AK8: variants seen among roughly 807,000 people sequenced by gnomAD.
AK8 encodes ATP-AMP transphosphorylase 8.
Under a neutral mutation model 54.6 loss-of-function variants are expected in AK8, and 44 were observed. The observed-to-expected ratio is 0.81, with a 90% CI of 0.63 to 1.04. The LOEUF (loss-of-function observed/expected upper bound fraction) is 1.04. AK8 is among the 50% of genes least tolerant of loss of function. The pLI, the probability that AK8 is intolerant of heterozygous loss-of-function variation, is 0.00. For synonymous variants in AK8, 239 were observed against 245.6 expected (o/e 0.97, Z 0.25); for missense variants, 555 against 613.6 (o/e 0.90, Z 1.01).
At chr9:132,818,283 G>A (rs1353605209) in intron 9 of AK8, among the ~76,000 whole-genome samples, 12 of 152,214 alleles carry the variant, frequency 7.9e-5, no homozygotes. Flanking sequence ...GGAGTGAAGA[G>A]TACTGATAGG....
At chr9:132,787,748 G>A (rs542431641) in intron 11 of AK8, among the ~76,000 whole-genome samples, 40 of 152,206 alleles carry the variant, frequency 2.6e-4, no homozygotes, top group African/African-American at 8.2e-4. Context: ...GTTGTGTACA[G>A]GCATAAAGGG....
chr9:132,766,438 A>C (rs1235994334), intron 11 of AK8, among the ~76,000 whole-genome samples: 1 of 152,188 alleles, frequency 6.6e-6, no homozygotes. Flanking sequence ...TTAACCAAGG[A>C]AGTAAAAGGT....
intron 10 of AK8, 129 bp from the exon 11 acceptor site, chr9:132,792,904 T>G: frequency 8.6e-7 from 1 of 1,166,712 alleles, no homozygotes; most frequent in Non-Finnish European, 1.2e-6. Context: ...TTGGAACCAC[T>G]TGGACAAGGT....
chr9:132,841,359 A>C, intron 5 of AK8, among the ~76,000 whole-genome samples: 1 of 152,226 alleles, frequency 6.6e-6, no homozygotes, highest in East Asian at 1.9e-4. Context: ...ATGAATAATA[A>C]AATTCTCCGC....
At position 132,809,082 on chromosome 9, in the gene AK8, T is replaced by C. The variant is rs139694573; in HGVS notation, c.979+5556A>G. On this transcript the variant is annotated intron_variant, in intron 10 of 12. Coordinates refer to ENST00000298545, the MANE Select transcript of AK8 (RefSeq NM_152572.3). ...ACAATAATCTCACTTGCTGAGCTCC[T>C]GAACCTTACAGATGAAAACTCCTAA... Among the ~76,000 whole-genome samples, 478 of 152,326 alleles carry C rather than the reference T, an allele frequency of 3.1e-3. 4 individuals are homozygous for C. The highest frequency in any genetic ancestry group is 4.4e-3 in the Non-Finnish European group (296 of 68,026).
intron 4 of AK8, among the ~76,000 whole-genome samples, chr9:132,857,476 G>GC (rs1564442124): frequency 4.6e-5 from 7 of 152,038 alleles, no homozygotes; most frequent in Non-Finnish European, 8.8e-5. Flanking sequence ...CAAGGGAAGG[G>GC]GTGGACAGGA....
chr9:132,823,020 G>A (rs1037093562), intron 9 of AK8, among the ~76,000 whole-genome samples, 185 bp downstream of exon 9: 1 of 152,096 alleles, frequency 6.6e-6, no homozygotes, highest in Non-Finnish European at 1.5e-5. Flanking sequence ...AATATTCCTC[G>A]GGAGGAAGAA....
intron 4 of AK8, among the ~76,000 whole-genome samples, chr9:132,856,372 C>T (rs1008234738): frequency 2.0e-5 from 3 of 152,210 alleles, no homozygotes; most frequent in African/African-American, 7.2e-5. Context: ...CTGGGCAAAG[C>T]CTTGACCTCT....
rs1839458797 is a variant in AK8 at position 132,781,301 on chromosome 9, T to C, written c.1121+11333A>G. On this transcript the variant is annotated intron_variant, in intron 11 of 12. Coordinates refer to ENST00000298545, the MANE Select transcript of AK8 (RefSeq NM_152572.3). The surrounding 1 kb of genome is among the most constrained non-coding windows in gnomAD (Gnocchi z 4.6). The stretch of plus-strand genomic sequence containing the variant: ...GGTTTGTTTCCCTTACTGTATGATG[T>C]TGGAATCAAGAGATTGATACTGCTC... Among the ~76,000 whole-genome samples the C allele has an allele frequency of 6.6e-6, 1 of 152,176 alleles. No individual in the cohort carries two copies. The highest frequency in any genetic ancestry group is 1.5e-5 in the Non-Finnish European group (1 of 68,028).
intron 11 of AK8, among the ~76,000 whole-genome samples, chr9:132,755,853 C>T (rs1401814991): frequency 2.6e-5 from 4 of 151,808 alleles, no homozygotes; most frequent in Non-Finnish European, 5.9e-5. Flanking sequence ...CTGCAACCTT[C>T]GCCCTCTGGG....
At chr9:132,806,426 T>C (rs954689793) in intron 10 of AK8, among the ~76,000 whole-genome samples, 11 of 152,188 alleles carry the variant, frequency 7.2e-5, no homozygotes, top group African/African-American at 2.7e-4. Flanking sequence ...GTAAATTATT[T>C]AGAGAGTCAT....
chr9:132,761,547 C>A (rs1197873276), intron 11 of AK8, among the ~76,000 whole-genome samples: 4 of 152,140 alleles, frequency 2.6e-5, no homozygotes, highest in Non-Finnish European at 1.5e-5. Flanking sequence ...CAAGCATGAG[C>A]CGCTGCACCT....
At chr9:132,858,705 C>T (rs1278719942) in intron 4 of AK8, among the ~76,000 whole-genome samples, 1 of 152,096 alleles carries the variant, frequency 6.6e-6, no homozygotes, top group Admixed American at 6.5e-5. Flanking sequence ...TACTGCTGCT[C>T]GGAGCTGTCA....
chr9:132,794,051 C>T (rs941494214), intron 10 of AK8, among the ~76,000 whole-genome samples: 27 of 152,200 alleles, frequency 1.8e-4, no homozygotes, highest in South Asian at 4.1e-4. Context: ...TCCCTGTGGC[C>T]GTGACTTGCT....
chr9:132,725,750 A>G lies in AK8; in HGVS notation c.1378T>C (p.Tyr460His). The G allele has an allele frequency of 6.3e-7, 1 of 1,595,026 alleles. No homozygotes were observed. The highest frequency in any genetic ancestry group is 1.1e-5 in the South Asian group (1 of 87,652). Residue 460 changes from tyrosine (Y) to histidine (H), a missense_variant, in exon 13 of 13, where the codon TAC (tyrosine) becomes CAC (histidine). By Grantham distance (83) the Tyr-to-His change is moderately conservative. Coordinates refer to ENST00000298545, the MANE Select transcript of AK8 (RefSeq NM_152572.3). ...AITLNGDQDP[Y>H]TVFEYIESGI... Reference sequence around the variant, plus strand: ...CTCTCGATGTATTCGAAGACTGTGTATGGGTCCTGGTCCCCATTGAGGGTG... The same window carrying G: ...CTCTCGATGTATTCGAAGACTGTGTGTGGGTCCTGGTCCCCATTGAGGGTG...
chr9:132,842,287 A>G (rs1368615427), intron 5 of AK8, among the ~76,000 whole-genome samples: 1 of 152,212 alleles, frequency 6.6e-6, no homozygotes, highest in Non-Finnish European at 1.5e-5. Context: ...AGAACTGGGG[A>G]ATTATCCAAA....
At chr9:132,794,789 G>A (rs1228945825) in intron 10 of AK8, among the ~76,000 whole-genome samples, 2 of 152,164 alleles carry the variant, frequency 1.3e-5, no homozygotes, top group Non-Finnish European at 2.9e-5. Context: ...CAGAACATGG[G>A]CTTGGGGCAT....
In AK8 at chr9:132,780,458, A is replaced by C. The variant is rs546620371; in HGVS notation, c.1121+12176T>G. ...TCTGTGTGGAAGGTCTGTTTAGCAAAAGCCAACAACAACAACTACAAACCC... is the reference window on the plus strand; with the variant it reads ...TCTGTGTGGAAGGTCTGTTTAGCAACAGCCAACAACAACAACTACAAACCC... On this transcript the variant is annotated intron_variant, in intron 11 of 12. Transcript: ENST00000298545. Among the ~76,000 whole-genome samples, 8 of 152,214 alleles carry C rather than the reference A, an allele frequency of 5.3e-5. No homozygotes were observed. The East Asian group carries it at 1.5e-3, about 29-fold the overall frequency.
At chr9:132,793,552 C>T (rs1005806074) in intron 10 of AK8, among the ~76,000 whole-genome samples, 1 of 152,204 alleles carries the variant, frequency 6.6e-6, no homozygotes, top group Admixed American at 6.5e-5. Flanking sequence ...CTCCAATTCT[C>T]CCATCCTTGA....
Sources: allele counts gnomAD v4.1 joint callset (sites outside exome capture counted in the v4.1 genomes callset), GRCh38; gene constraint gnomAD v4.1.1; non-coding constraint Gnocchi (gnomAD v3.1); transcripts MANE v1.5; gene names NCBI Gene and HGNC (gene_info 2026-07-23, HGNC 2026-07-21).